Variants in HFE observed in about 807,000 individuals in gnomAD.
HFE encodes hereditary hemochromatosis protein.
HFE carries 36 observed loss-of-function variants against 40.9 expected under a neutral mutation model. The ratio of observed to expected loss-of-function variants is 0.88; its 90% CI spans 0.67 to 1.16. The LOEUF is 1.16. Among genes scored for constraint, HFE ranks in the 50% most tolerant of loss-of-function variants. The pLI, the probability that HFE is intolerant of heterozygous loss-of-function variation, is 0.00. For missense variants in HFE, 376 were observed against 432.0 expected (o/e 0.87, Z 1.15); for synonymous variants, 157 against 165.4 (o/e 0.95, Z 0.39).
At position 26,094,214 on chromosome 6, in the gene HFE, TG is replaced by T. The variant is rs1762918066; in HGVS notation, c.1036del (p.Glu346AsnfsTer118). 3 of 1,614,052 alleles carry T rather than the reference TG, an allele frequency of 1.9e-6. No individual in the cohort carries two copies. Among genetic ancestry groups the T allele is most frequent in the Non-Finnish European group, 1.7e-6 (2 of 1,179,996 alleles). ...RGAMGHYVLA[E>X]RE ...GAGCCATGGGGCACTACGTCTTAGC[TG>T]AACGTGAGTGACACGCAGCCTGCAG... On this transcript the variant is annotated frameshift_variant, in exon 6 of 6. Transcript: ENST00000357618. LOFTEE classifies it high-confidence loss of function.
chr6:26,089,108 T>TGGGGGGG, intron 1 of HFE, among the ~76,000 whole-genome samples: 1 of 56,358 alleles, frequency 1.8e-5, no homozygotes, highest in East Asian at 4.5e-4. Flanking sequence ...TGTGTGTGTG[T>TGGGGGGG]GGGGGGGGGG....
At position 26,094,415 on chromosome 6, in the gene HFE, C is replaced by A; in HGVS notation, c.*189C>A. On this transcript the variant is annotated 3_prime_UTR_variant, in exon 6 of 6. Coordinates refer to ENST00000357618, the MANE Select transcript of HFE (RefSeq NM_000410.4). ...ATTTCCCCATTTAGGTTTCTGAGTT[C>A]CTGCATGCCGGTGATCCCTAGCTGT... 1 of 712,810 alleles carries A rather than the reference C, an allele frequency of 1.4e-6. No individual in the cohort carries two copies. The highest frequency in any genetic ancestry group is 2.5e-6 in the Non-Finnish European group (1 of 393,282). 44.2% of individuals were successfully genotyped at this position (712,810 alleles called of 1,614,324 possible).
chr6:26,098,006 G>C lies in HFE; in HGVS notation c.*3780G>C, dbSNP rs1763101763. On this transcript the variant is annotated 3_prime_UTR_variant, in exon 6 of 6. Coordinates refer to ENST00000357618, the MANE Select transcript of HFE (RefSeq NM_000410.4). ...AATTAAAGATTTTCACATGCAGGCT[G>C]ATATTTGTAATTGTGATTCTCTCTG... 6.6e-6 allele frequency: 1 copy of C among 152,102 alleles called. No homozygotes were observed. The highest frequency in any genetic ancestry group is 2.1e-4 in the South Asian group (1 of 4,832). 9.4% of individuals were successfully genotyped at this position (152,102 alleles called of 1,614,324 possible). A position where few individuals can be genotyped will look rare whatever the true frequency, so the allele number is the denominator to read the frequency against.
In HFE at chr6:26,090,873, G is replaced by A; in HGVS notation, c.109G>A (p.Ala37Thr). 6.2e-7 allele frequency: 1 copy of A among 1,614,136 alleles called. No homozygotes were observed. The highest frequency in any genetic ancestry group is 8.5e-7 in the Non-Finnish European group (1 of 1,180,024). The change falls in exon 2 of 6, where the codon GCC becomes ACC. Residue 37 changes from alanine to threonine, a missense_variant. Physicochemically the swap from Ala to Thr is moderately conservative, Grantham distance 58. Transcript: ENST00000357618. ...CTCTCTGCACTACCTCTTCATGGGT[G>A]CCTCAGAGCAGGACCTTGGTCTTTC... ...SHSLHYLFMG[A>T]SEQDLGLSLF...
Position 26,094,288 on chromosome 6 carries a change from A to G in HFE, c.*62A>G, listed in dbSNP as rs1228264676. ...AACTAGAGACTCAAAGAGGGAGTGCATTTATGAGCTCTTCATGTTTCAGGA... is the reference window on the plus strand; with the variant it reads ...AACTAGAGACTCAAAGAGGGAGTGCGTTTATGAGCTCTTCATGTTTCAGGA... On this transcript the variant is annotated 3_prime_UTR_variant, in exon 6 of 6. Transcript: ENST00000357618. The G allele has an allele frequency of 7.0e-7, 1 of 1,433,486 alleles. No individual in the cohort carries two copies. The highest frequency in any genetic ancestry group is 9.8e-7 in the Non-Finnish European group (1 of 1,016,388). The allele number at this position is 1,433,486 out of a possible 1,614,324, so 88.8% of individuals were successfully genotyped here.
chr6:26,097,015 G>A lies in HFE; in HGVS notation c.*2789G>A, dbSNP rs1165271876. 5.6e-6 allele frequency: 1 copy of A among 177,406 alleles called. No individual in the cohort carries two copies. Among genetic ancestry groups the A allele is most frequent in the Non-Finnish European group, 1.2e-5 (1 of 83,796 alleles). 11.0% of individuals were successfully genotyped at this position (177,406 alleles called of 1,614,324 possible). ...AGGGACATTGTCGTCTAAGTTGTAA[G>A]ACATTGGTTATTTTACCAGCAAACC... On this transcript the variant is annotated 3_prime_UTR_variant, in exon 6 of 6. Transcript: ENST00000357618.
chr6:26,094,702 G>C lies in HFE; in HGVS notation c.*476G>C, dbSNP rs183895247. ...TCTGGACCCGTTCAACTTTTCCTTT[G>C]AATCCTCTCTCTGTGTTACCCAGTA... is the stretch of plus-strand genomic sequence containing the variant. On this transcript the variant is annotated 3_prime_UTR_variant, in exon 6 of 6. Coordinates refer to ENST00000357618, the MANE Select transcript of HFE (RefSeq NM_000410.4). 24 of 509,160 alleles carry C rather than the reference G, an allele frequency of 4.7e-5. No individual in the cohort carries two copies. The Admixed American group carries it at 7.6e-4, about 16-fold the overall frequency. The allele number at this position is 509,160 out of a possible 1,614,324, so 31.5% of individuals were successfully genotyped here. A position where few individuals can be genotyped will look rare whatever the true frequency, so the allele number is the denominator to read the frequency against.
At chr6:26,092,484 G>A in intron 3 of HFE, 1 of 808,622 alleles carries the variant, frequency 1.2e-6, no homozygotes. Context: ...CATGTGAGGA[G>A]AACAAGCTGA....
Position 26,096,175 on chromosome 6 carries a change from C to T in HFE, c.*1949C>T, listed in dbSNP as rs1763019041. 2 of 166,074 alleles carry T rather than the reference C, an allele frequency of 1.2e-5. No individual in the cohort carries two copies. Among genetic ancestry groups the T allele is most frequent in the Admixed American group, 1.3e-4 (2 of 15,946 alleles). The allele number at this position is 166,074 out of a possible 1,614,324, so 10.3% of individuals were successfully genotyped here. A position where few individuals can be genotyped will look rare whatever the true frequency, so the allele number is the denominator to read the frequency against. On this transcript the variant is annotated 3_prime_UTR_variant, in exon 6 of 6. Coordinates refer to ENST00000357618, the MANE Select transcript of HFE (RefSeq NM_000410.4). The stretch of plus-strand genomic sequence containing the variant: ...TTTTTTTTTTTTGAGACTCTATTGC[C>T]CAGGCTGGAGTGCAATGGCATGATC...
chr6:26,096,920 C>G lies in HFE; in HGVS notation c.*2694C>G, dbSNP rs1763064084. The G allele has an allele frequency of 5.1e-5, 11 of 214,852 alleles. 1 individual carries two copies. The South Asian group carries it at 6.4e-4, about 12-fold the overall frequency. 13.3% of individuals were successfully genotyped at this position (214,852 alleles called of 1,614,324 possible). A position where few individuals can be genotyped will look rare whatever the true frequency, so the allele number is the denominator to read the frequency against. ...GAGACATTTATTTTGCTTCTAATTT[C>G]TTTACATTTTGTCTTACGGAATATT... On this transcript the variant is annotated 3_prime_UTR_variant, in exon 6 of 6. Transcript: ENST00000357618.
rs1763065576 is a variant in HFE, at chr6:26,096,972, A to G, written c.*2746A>G. ...TCATTCAACTGTGGTAGCCGAATTAATCGTGTTTCTTCACTCTAGGGACAT... is the reference window on the plus strand; with the variant it reads ...TCATTCAACTGTGGTAGCCGAATTAGTCGTGTTTCTTCACTCTAGGGACAT... On this transcript the variant is annotated 3_prime_UTR_variant, in exon 6 of 6. Coordinates refer to ENST00000357618, the MANE Select transcript of HFE (RefSeq NM_000410.4). 1 of 218,378 alleles carries G rather than the reference A, an allele frequency of 4.6e-6. No homozygotes were observed. Among genetic ancestry groups the G allele is most frequent in the African/African-American group, 2.4e-5 (1 of 42,016 alleles). 13.5% of individuals were successfully genotyped at this position (218,378 alleles called of 1,614,324 possible).
Position 26,097,136 on chromosome 6 carries a change from G to T in HFE, c.*2910G>T. On this transcript the variant is annotated 3_prime_UTR_variant, in exon 6 of 6. Transcript: ENST00000357618. ...CTTCACTTACTCTTCTACCTCATAA[G>T]GAATATGTTACAATTAATTTATTAG... 6.5e-6 allele frequency: 1 copy of T among 152,846 alleles called. No homozygotes were observed. Among genetic ancestry groups the T allele is most frequent in the Non-Finnish European group, 1.5e-5 (1 of 68,518 alleles). The allele number at this position is 152,846 out of a possible 1,614,324, so 9.5% of individuals were successfully genotyped here. A position where few individuals can be genotyped will look rare whatever the true frequency, so the allele number is the denominator to read the frequency against.
chr6:26,094,396 C>T lies in HFE; in HGVS notation c.*170C>T. On this transcript the variant is annotated 3_prime_UTR_variant, in exon 6 of 6. Coordinates refer to ENST00000357618, the MANE Select transcript of HFE (RefSeq NM_000410.4). Reference sequence around the variant, plus strand: ...TGTTCATTTCCTCAAAAAGATTTCCCCATTTAGGTTTCTGAGTTCCTGCAT... The same window carrying T: ...TGTTCATTTCCTCAAAAAGATTTCCTCATTTAGGTTTCTGAGTTCCTGCAT... 2 of 735,868 alleles carry T rather than the reference C, an allele frequency of 2.7e-6. No homozygotes were observed. The highest frequency in any genetic ancestry group is 4.5e-4 in the Middle Eastern group (2 of 4,426). 45.6% of individuals were successfully genotyped at this position (735,868 alleles called of 1,614,324 possible).
Position 26,090,461 on chromosome 6 carries a change from A to AAAAAAAAAAAC in HFE, c.77-379_77-369dup, listed in dbSNP as rs1762612568. Among the ~76,000 whole-genome samples, 22 of 150,608 alleles carry AAAAAAAAAAAC rather than the reference A, an allele frequency of 1.5e-4. 2 individuals are homozygous for AAAAAAAAAAAC. In the South Asian group the frequency reaches 4.7e-3, roughly 32 times the overall value. On this transcript the variant is annotated intron_variant, in intron 1 of 5. Transcript: ENST00000357618. The stretch of plus-strand genomic sequence containing the variant: ...CTGTCTCAAAAAAAAAAAAAAAAAA[A>AAAAAAAAAAAC]AAAAAAAAAACTGAAGGAATTATTC...
intron 3 of HFE, 90 bp downstream of exon 3, chr6:26,091,679 G>A (rs1762721513): frequency 3.5e-6 from 5 of 1,411,158 alleles, no homozygotes; most frequent in African/African-American, 2.8e-5. Context: ...AGTTTCAGAG[G>A]TGGCTGAGGC....
Position 26,092,876 on chromosome 6 carries a change from T to G in HFE, c.808T>G (p.Leu270Val). The change falls in exon 4 of 6, where the codon TTG becomes GTG. Residue 270 changes from leucine to valine, a missense_variant. By Grantham distance (32) the Leu-to-Val change is conservative. Around this residue, in one of 3 missense-constraint regions of HFE, gnomAD observed 173 missense variants for 186.9 expected, o/e 0.93. Transcript: ENST00000357618. The stretch of plus-strand genomic sequence containing the variant: ...TGGGACCTACCAGGGCTGGATAACC[T>G]TGGCTGTACCCCCTGGGGAAGAGCA... Reference protein sequence around the residue: ...GDGTYQGWITLAVPPGEEQRY... With the variant: ...GDGTYQGWITVAVPPGEEQRY... 6.2e-7 allele frequency: 1 copy of G among 1,614,164 alleles called. No individual in the cohort carries two copies. Among genetic ancestry groups the G allele is most frequent in the East Asian group, 2.2e-5 (1 of 44,876 alleles).
chr6:26,092,567 T>C, intron 3 of HFE, 118 bp from the exon 4 acceptor site: 1 of 1,592,170 alleles, frequency 6.3e-7, no homozygotes, highest in Non-Finnish European at 8.6e-7. Flanking sequence ...TCCTGTAGCT[T>C]GTTTTTTTCT....
At chr6:26,087,622 C>G (rs1762373818) in intron 1 of HFE, 106 bp downstream of exon 1, 3 of 948,946 alleles carry the variant, frequency 3.2e-6, no homozygotes, top group East Asian at 2.6e-5. Flanking sequence ...AGGACCTGCT[C>G]AACCCTATCC....
rs1223392687 is a variant in HFE at position 26,096,778 on chromosome 6, T to G, written c.*2552T>G. Reference sequence around the variant, plus strand: ...ACAACTTGTCTATTACCTGTTAGTATTATTGTTGCATTAAAAATGCATATA... The same window carrying G: ...ACAACTTGTCTATTACCTGTTAGTAGTATTGTTGCATTAAAAATGCATATA... On this transcript the variant is annotated 3_prime_UTR_variant, in exon 6 of 6. Transcript: ENST00000357618. 1 of 361,794 alleles carries G rather than the reference T, an allele frequency of 2.8e-6. No individual in the cohort carries two copies. The highest frequency in any genetic ancestry group is 7.3e-5 in the East Asian group (1 of 13,770). The allele number at this position is 361,794 out of a possible 1,614,324, so 22.4% of individuals were successfully genotyped here. A position where few individuals can be genotyped will look rare whatever the true frequency, so the allele number is the denominator to read the frequency against.
Sources: gnomAD v4.1 joint callset for allele counts (sites outside exome capture counted in the v4.1 genomes callset) on GRCh38, gnomAD v4.1.1 for gene constraint, gnomAD v4.1.1 regional missense constraint, MANE v1.5 for transcripts, NCBI Gene and HGNC (gene_info 2026-07-23, HGNC 2026-07-21) for gene names.